Variants in IGSF11 observed in about 807,000 individuals in gnomAD.
IGSF11 encodes CXADR like 1.
Under a neutral mutation model 41.0 loss-of-function variants are expected in IGSF11, and 22 were observed. That is an observed-to-expected ratio of 0.54 (90% CI 0.38 to 0.77). IGSF11 has a LOEUF of 0.77. IGSF11 is among the 30% of genes least tolerant of loss of function. IGSF11 has a pLI of 0.00. For synonymous variants in IGSF11, 219 were observed against 201.3 expected (o/e 1.09, Z -0.74); for missense variants, 444 against 530.8 (o/e 0.84, Z 1.61).
intron 1 of IGSF11, among the ~76,000 whole-genome samples, chr3:119,134,451 A>G (rs1396508237): frequency 1.3e-5 from 2 of 152,084 alleles, no homozygotes; most frequent in African/African-American, 2.4e-5. Flanking sequence ...TCATGAGTGA[A>G]CTCCCACTCA....
At chr3:118,904,949 C>G (rs1378039736) in intron 5 of IGSF11, 151 bp from the exon 6 acceptor site, 4 of 608,946 alleles carry the variant, frequency 6.6e-6, no homozygotes, top group Non-Finnish European at 1.1e-5. Flanking sequence ...AAAGTTAAAC[C>G]TCAATTAACT....
At chr3:119,096,509 A>T (rs1303707501) in intron 1 of IGSF11, among the ~76,000 whole-genome samples, 1 of 152,074 alleles carries the variant, frequency 6.6e-6, no homozygotes, top group African/African-American at 2.4e-5. Flanking sequence ...AAAGCAACTG[A>T]ACTACACTAC....
intron 1 of IGSF11, among the ~76,000 whole-genome samples, chr3:119,046,902 C>A (rs1231171147): frequency 3.4e-5 from 5 of 146,246 alleles, no homozygotes; most frequent in Non-Finnish European, 3.0e-5. Context: ...AACTAAGCTT[C>A]ATAAGTGAAG....
intron 1 of IGSF11, among the ~76,000 whole-genome samples, chr3:119,046,419 T>C (rs143682872): frequency 0.058 from 8,791 of 151,810 alleles, 353 homozygotes; most frequent in African/African-American, 0.066. Context: ...ATGAATGAAA[T>C]GAACCAAGAA....
At chr3:118,926,464 G>A (rs1942317025) in intron 3 of IGSF11, among the ~76,000 whole-genome samples, 1 of 152,124 alleles carries the variant, frequency 6.6e-6, no homozygotes, top group Non-Finnish European at 1.5e-5. Context: ...GCTTTGGTAA[G>A]CAGGGGGCAA....
At chr3:118,931,069 T>C (rs146189772) in intron 1 of IGSF11, among the ~76,000 whole-genome samples, 1 of 152,182 alleles carries the variant, frequency 6.6e-6, no homozygotes, top group Non-Finnish European at 1.5e-5. Context: ...AAATAAATCT[T>C]TATATTTATG....
chr3:119,034,702 C>T lies in IGSF11; in HGVS notation c.-120G>A, dbSNP rs2107741352. 9 of 1,384,984 alleles carry T rather than the reference C, an allele frequency of 6.5e-6. No individual in the cohort carries two copies. Among genetic ancestry groups the T allele is most frequent in the Non-Finnish European group, 7.5e-6 (8 of 1,063,782 alleles). 85.8% of individuals were successfully genotyped at this position (1,384,984 alleles called of 1,614,324 possible). ...GGTCCTCCCACACCCAGCGCCGGGCCGCTGTTCCCCGCGCAGAGCTGGGAC... is the reference window on the plus strand; with the variant it reads ...GGTCCTCCCACACCCAGCGCCGGGCTGCTGTTCCCCGCGCAGAGCTGGGAC... On this transcript the variant is annotated 5_prime_UTR_variant, in exon 1 of 7. Coordinates refer to ENST00000393775, the MANE Select transcript of IGSF11 (RefSeq NM_001015887.3).
rs1939062938 is a variant in IGSF11, at chr3:118,902,807, G to A, written c.1009C>T (p.His337Tyr). Reference protein sequence around the residue: ...KVHRNTESVSHFSDLGQSFSF... With the variant: ...KVHRNTESVSYFSDLGQSFSF... ...AAAGATTGGCCCAAGTCACTGAAGT[G>A]GCTGACTGACTCTGTGTTTCTATGA... Residue 337 changes from histidine to tyrosine, a missense_variant, in exon 7 of 7, where the codon CAC becomes TAC. Coordinates refer to ENST00000393775, the MANE Select transcript of IGSF11 (RefSeq NM_001015887.3). 1 of 1,614,168 alleles carries A rather than the reference G, an allele frequency of 6.2e-7. No individual in the cohort carries two copies.
intron 4 of IGSF11, among the ~76,000 whole-genome samples, chr3:118,914,356 C>A (rs1940775466): frequency 6.6e-6 from 1 of 151,828 alleles, no homozygotes; most frequent in African/African-American, 2.4e-5. Context: ...GGGTTCATCT[C>A]ACTAGGGAGT....
intron 1 of IGSF11, among the ~76,000 whole-genome samples, chr3:119,111,618 G>T (rs1310317534): frequency 6.6e-6 from 1 of 152,236 alleles, no homozygotes; most frequent in African/African-American, 2.4e-5. Context: ...GTCCAGCTTT[G>T]TTCGGTTGCT....
chr3:119,102,997 ATT>A (rs142951970), intron 1 of IGSF11, among the ~76,000 whole-genome samples: 23,102 of 126,806 alleles, frequency 0.18, 1,835 homozygotes, highest in Non-Finnish European at 0.24. Flanking sequence ...TACTTGGCCA[ATT>A]TTTTTTTTTT....
At chr3:118,975,270 A>G (rs16829199) in intron 1 of IGSF11, among the ~76,000 whole-genome samples, 25,193 of 151,596 alleles carry the variant, frequency 0.17, 2,556 homozygotes, top group East Asian at 0.26. Context: ...CCACTTTTCT[A>G]TTTCCTTCAA....
intron 1 of IGSF11, among the ~76,000 whole-genome samples, chr3:119,019,465 G>A (rs1017890213): frequency 6.6e-6 from 1 of 150,588 alleles, no homozygotes; most frequent in African/African-American, 2.5e-5. Context: ...CCAAGAATTT[G>A]CACAGCCTAA....
Position 118,946,026 on chromosome 3 carries a change from G to C in IGSF11, c.53-15751C>G, listed in dbSNP as rs1322055861. On this transcript the variant is annotated intron_variant, in intron 1 of 6. Transcript: ENST00000393775. ...ACATGAGGGCAGAGGGCGTAAAAAAGGATGGTGTGGTAGGAGACTGTTATT... is the reference window on the plus strand; with the variant it reads ...ACATGAGGGCAGAGGGCGTAAAAAACGATGGTGTGGTAGGAGACTGTTATT... The C allele has an allele frequency of 2.6e-5, 4 of 152,208 alleles. No homozygotes were observed. The East Asian group carries it at 5.8e-4, about 22-fold the overall frequency. 9.4% of individuals were successfully genotyped at this position (152,208 alleles called of 1,614,324 possible). A position where few individuals can be genotyped will look rare whatever the true frequency, so the allele number is the denominator to read the frequency against.
chr3:118,980,244 T>C (rs1934571618), intron 1 of IGSF11, among the ~76,000 whole-genome samples: 1 of 152,172 alleles, frequency 6.6e-6, no homozygotes, highest in South Asian at 2.1e-4. Context: ...TGCAGCACTA[T>C]TCATAGTAGC....
At position 119,132,378 on chromosome 3, in the gene IGSF11, C is replaced by CAAAAA. The variant is rs58700219; in HGVS notation, c.-14+13430_-14+13434dup. 5.5e-4 allele frequency among the ~76,000 whole-genome samples: 22 copies of CAAAAA among 39,792 alleles called. 1 individual carries two copies. Among genetic ancestry groups the CAAAAA allele is most frequent in the African/African-American group, 1.9e-3 (17 of 8,964 alleles). The allele number at this position is 39,792 out of a possible 152,430, so 26.1% of individuals were successfully genotyped here. A position where few individuals can be genotyped will look rare whatever the true frequency, so the allele number is the denominator to read the frequency against. On this transcript the variant is annotated intron_variant, in intron 1 of 7. Coordinates refer to the IGSF11 transcript ENST00000425327. ...GAAGGTCTACCAAGCAAACAGAAAG[C>CAAAAA]AAAAAAAAAAAAAAAAAAAAAAAAA... is the stretch of plus-strand genomic sequence containing the variant.
chr3:119,095,213 C>A (rs528460013), intron 1 of IGSF11, among the ~76,000 whole-genome samples: 1 of 152,114 alleles, frequency 6.6e-6, no homozygotes, highest in Non-Finnish European at 1.5e-5. Flanking sequence ...AATGTATAAT[C>A]TTTGTTTTTG....
intron 1 of IGSF11, among the ~76,000 whole-genome samples, chr3:118,991,381 G>A (rs1351921981): frequency 6.6e-6 from 1 of 152,194 alleles, no homozygotes; most frequent in African/African-American, 2.4e-5. Flanking sequence ...CAGGGCACAT[G>A]ATTTTACCAA....
chr3:119,128,639 A>C (rs1382462658), intron 1 of IGSF11, among the ~76,000 whole-genome samples: 2 of 151,890 alleles, frequency 1.3e-5, no homozygotes, highest in Non-Finnish European at 2.9e-5. Context: ...AAAAAAGATC[A>C]AAAAAGACAA....
Sources: allele counts gnomAD v4.1 joint callset (sites outside exome capture counted in the v4.1 genomes callset), GRCh38; gene constraint gnomAD v4.1.1; transcripts MANE v1.5; gene names NCBI Gene and HGNC (gene_info 2026-07-23, HGNC 2026-07-21).